The following CCDC7 variants were observed in gnomAD, a reference collection of about 807,000 sequenced individuals.
The protein encoded by CCDC7 is coiled-coil domain containing 7.
CCDC7 carries 183 observed loss-of-function variants against 196.9 expected under a neutral mutation model. The observed-to-expected ratio is 0.93, with a 90% CI of 0.82 to 1.05. The LOEUF (loss-of-function observed/expected upper bound fraction) is 1.05, where lower values mean the gene tolerates loss of function less well. CCDC7 is among the 50% of genes least tolerant of loss of function. The probability of loss-of-function intolerance (pLI) is 0.00; values close to 1 mark genes in which losing one functional copy is unlikely to be tolerated. For synonymous variants in CCDC7, 525 were observed against 484.6 expected, an observed-to-expected ratio of 1.08 and a Z score of -1.10; for missense variants, 1,540 against 1,482.2, an observed-to-expected ratio of 1.04 and a Z score of -0.64.
chr10:32,636,653 A>G (rs1454754566), intron 20 of CCDC7, among the ~76,000 whole-genome samples: 1 of 152,146 alleles, frequency 6.6e-6, no homozygotes, highest in African/African-American at 2.4e-5. Context: ...GTTGGTTCCA[A>G]GTCTTTGCTA....
intron 28 of CCDC7, among the ~76,000 whole-genome samples, chr10:32,730,254 T>C (rs143666302): frequency 1.8e-4 from 27 of 152,302 alleles, no homozygotes; most frequent in Non-Finnish European, 2.9e-4. Context: ...TGATGTTTGG[T>C]ATATGCTCAT....
At chr10:32,805,199 C>A in intron 30 of CCDC7, 101 bp downstream of exon 31, 1 of 801,158 alleles carries the variant, frequency 1.2e-6, no homozygotes, top group Non-Finnish European at 2.1e-6. Context: ...GTTATTATGA[C>A]ATGGGCACAG....
At chr10:32,745,731 A>G (rs1416724614) in intron 28 of CCDC7, among the ~76,000 whole-genome samples, 1 of 152,206 alleles carries the variant, frequency 6.6e-6, no homozygotes, top group African/African-American at 2.4e-5. Flanking sequence ...TATAAACTTT[A>G]GAATTAGTTT....
chr10:32,708,442 A>C (rs1441638024), intron 24 of CCDC7, among the ~76,000 whole-genome samples: 1 of 152,240 alleles, frequency 6.6e-6, no homozygotes, highest in Non-Finnish European at 1.5e-5. Flanking sequence ...CACCAAAAGC[A>C]ATGGCAACGA....
intron 8 of CCDC7, among the ~76,000 whole-genome samples, chr10:32,488,443 A>G (rs2041603423): frequency 6.6e-6 from 1 of 152,168 alleles, no homozygotes. Flanking sequence ...CAGGTGAGGC[A>G]ATGCCTTGCT....
chr10:32,792,807 T>G (rs2082924315), intron 29 of CCDC7, among the ~76,000 whole-genome samples: 2 of 152,112 alleles, frequency 1.3e-5, no homozygotes. Context: ...CTCACCTAGA[T>G]GTTTTATGTA....
chr10:32,813,879 C>G (rs1165529658), intron 30 of CCDC7, among the ~76,000 whole-genome samples: 2 of 152,146 alleles, frequency 1.3e-5, no homozygotes, highest in African/African-American at 4.8e-5. Flanking sequence ...TGTTAACATC[C>G]TTTCCTTTTT....
At chr10:32,799,472 T>C (rs1460369974) in intron 29 of CCDC7, among the ~76,000 whole-genome samples, 5 of 152,166 alleles carry the variant, frequency 3.3e-5, no homozygotes, top group Non-Finnish European at 5.9e-5. Flanking sequence ...GCCTTTTGGG[T>C]CCCTGGATAA....
intron 37 of CCDC7, among the ~76,000 whole-genome samples, chr10:32,846,787 G>T (rs528092253): frequency 6.6e-6 from 1 of 152,090 alleles, no homozygotes; most frequent in African/African-American, 2.4e-5. Context: ...AAGCAGAAAG[G>T]CAAAAGCACA....
chr10:32,592,613 A>G (rs1042599600), intron 18 of CCDC7, among the ~76,000 whole-genome samples: 1 of 152,096 alleles, frequency 6.6e-6, no homozygotes, highest in Non-Finnish European at 1.5e-5. Flanking sequence ...AGTTTGTTAC[A>G]TATGTATACA....
chr10:32,527,732 G>A (rs1019220404), intron 11 of CCDC7, among the ~76,000 whole-genome samples: 1 of 152,066 alleles, frequency 6.6e-6, no homozygotes, highest in African/African-American at 2.4e-5. Context: ...TCCACACAAG[G>A]GTAGTGACCA....
rs188001855 is a variant in CCDC7 at position 32,756,456 on chromosome 10, C to T, written c.2906-22521C>T. ...GAAGAGAGTGGGGGCCAATATTCAACATTCTTAAAGAATTTTCAACCCAGA... is the reference window on the plus strand; with the variant it reads ...GAAGAGAGTGGGGGCCAATATTCAATATTCTTAAAGAATTTTCAACCCAGA... On this transcript the variant is annotated intron_variant, in intron 28 of 41. Transcript: ENST00000639629. Among the ~76,000 whole-genome samples, 935 of 152,232 alleles carry T rather than the reference C, an allele frequency of 6.1e-3. 8 individuals carry two copies. Among genetic ancestry groups the T allele is most frequent in the Non-Finnish European group, 7.1e-3 (484 of 67,978 alleles).
At chr10:32,859,449 G>GC (rs1425697249) in intron 41 of CCDC7, among the ~76,000 whole-genome samples, 1 of 152,082 alleles carries the variant, frequency 6.6e-6, no homozygotes, top group Middle Eastern at 3.2e-3. Context: ...AGCACTAAAT[G>GC]CCCACAAGAG....
intron 23 of CCDC7, among the ~76,000 whole-genome samples, chr10:32,689,600 A>C (rs1042364105): frequency 1.3e-5 from 2 of 152,144 alleles, no homozygotes; most frequent in African/African-American, 4.8e-5. Context: ...AAGGGACTCT[A>C]GGGCATCCTT....
In CCDC7 at chr10:32,556,220, T is replaced by A. The variant is rs188088546; in HGVS notation, c.1135-9338T>A. Among the ~76,000 whole-genome samples the A allele has an allele frequency of 3.0e-3, 463 of 152,358 alleles. 3 individuals carry two copies. The highest frequency in any genetic ancestry group is 9.1e-3 in the South Asian group (44 of 4,830). ...TATAAAATTCAATTAAGTCTAGATT[T>A]GTTTCATTATTTTAATTTTCTATCA... On this transcript the variant is annotated intron_variant, in intron 13 of 41. Transcript: ENST00000639629.
At chr10:32,536,408 G>C (rs998319482) in intron 11 of CCDC7, among the ~76,000 whole-genome samples, 2 of 152,092 alleles carry the variant, frequency 1.3e-5, no homozygotes, top group African/African-American at 4.8e-5. Context: ...CATCCTCTAG[G>C]CAGCTTGAGA....
Position 32,642,301 on chromosome 10 carries a change from G to GT in CCDC7, c.2014+7146dup, listed in dbSNP as rs1456137351. ...CTTGAGCTGTGGTGGGCTCCACCCA[G>GT]TTTGAGTTTCCCAGCCGCTTTGTTT... On this transcript the variant is annotated intron_variant, in intron 20 of 41. Coordinates refer to ENST00000639629, the Ensembl canonical transcript of CCDC7. Among the ~76,000 whole-genome samples, 3 of 152,350 alleles carry GT rather than the reference G, an allele frequency of 2.0e-5. No homozygotes were observed. The East Asian group carries it at 5.8e-4, about 29-fold the overall frequency.
intron 21 of CCDC7, among the ~76,000 whole-genome samples, chr10:32,669,651 T>G (rs2140670382): frequency 6.6e-6 from 1 of 152,290 alleles, no homozygotes; most frequent in African/African-American, 2.4e-5. Flanking sequence ...TTCACGGTTA[T>G]TGAAATTGGT....
chr10:32,618,557 C>T (rs1244811634), intron 18 of CCDC7, among the ~76,000 whole-genome samples: 2 of 151,956 alleles, frequency 1.3e-5, no homozygotes, highest in African/African-American at 2.4e-5. Context: ...ATTTATGAAG[C>T]TTCTTCTGGC....
Sources: gnomAD v4.1 joint callset for allele counts (sites outside exome capture counted in the v4.1 genomes callset) on GRCh38, gnomAD v4.1.1 for gene constraint, MANE v1.5 for transcripts, NCBI Gene and HGNC (gene_info 2026-07-23, HGNC 2026-07-21) for gene names.